ROBO2: variants seen among roughly 807,000 people sequenced by gnomAD.
ROBO2 encodes roundabout homolog 2.
In ROBO2, 53 loss-of-function variants were observed where a neutral mutation model predicts 160.8. The observed-to-expected ratio is 0.33, with a 90% confidence interval of 0.26 to 0.41. The LOEUF (loss-of-function observed/expected upper bound fraction) is 0.41, where lower values mean the gene tolerates loss of function less well. Among genes scored for constraint, ROBO2 ranks in the 10% least tolerant of loss-of-function variants. The probability of loss-of-function intolerance (pLI) is 1.00; values close to 1 mark genes in which losing one functional copy is unlikely to be tolerated. For synonymous variants in ROBO2, 664 were observed against 611.7 expected (o/e 1.09, Z -1.26); for missense variants, 1,577 against 1,722.4 (o/e 0.92, Z 1.49).
chr3:76,739,919 G>GT (rs888530465), intron 2 of ROBO2, among the ~76,000 whole-genome samples: 1 of 152,050 alleles, frequency 6.6e-6, no homozygotes, highest in Non-Finnish European at 1.5e-5. Context: ...CAGTGTTTAA[G>GT]TTTTTTTCTA....
intron 2 of ROBO2, among the ~76,000 whole-genome samples, chr3:76,086,490 G>A (rs1244130931): frequency 6.6e-6 from 1 of 152,076 alleles, no homozygotes; most frequent in African/African-American, 2.4e-5. Context: ...GGTTGTGGAT[G>A]GGGCTGAGAA....
rs1190130869 is a variant in ROBO2, at chr3:77,561,259, C to G, written c.1438-1392C>G. 2.0e-5 allele frequency among the ~76,000 whole-genome samples: 3 copies of G among 152,270 alleles called. No homozygotes were observed. In the East Asian group the frequency reaches 5.8e-4, roughly 29 times the overall value. ...TTTGAACCCAGCAGATATAATATTC[C>G]ATGAGCGACTATATTTCATCAACAA... On this transcript the variant is annotated intron_variant, in intron 9 of 25. Coordinates refer to ENST00000461745, the Ensembl canonical transcript of ROBO2.
chr3:77,112,193 C>CAA (rs373201643), intron 2 of ROBO2, among the ~76,000 whole-genome samples: 36 of 68,668 alleles, frequency 5.2e-4, no homozygotes, highest in African/African-American at 1.1e-3. Context: ...AGACTCGTCT[C>CAA]AAAAAAAAAA....
At chr3:77,329,860 T>C (rs1180258716) in intron 2 of ROBO2, among the ~76,000 whole-genome samples, 3 of 152,192 alleles carry the variant, frequency 2.0e-5, no homozygotes, top group African/African-American at 7.2e-5. Context: ...TGGTAGCTAA[T>C]ACCTATGTAT....
chr3:76,398,317 G>T (rs944769545), intron 2 of ROBO2, among the ~76,000 whole-genome samples: 1 of 133,430 alleles, frequency 7.5e-6, no homozygotes, highest in African/African-American at 3.0e-5. Flanking sequence ...ACACTCTGGG[G>T]ACTGTTGTGG....
intron 2 of ROBO2, among the ~76,000 whole-genome samples, chr3:76,026,973 A>G (rs1329356654): frequency 6.6e-6 from 1 of 151,946 alleles, no homozygotes; most frequent in African/African-American, 2.4e-5. Context: ...CTGATTACAG[A>G]GATGTCTGAG....
chr3:77,276,545 A>G (rs1376721492), intron 2 of ROBO2, among the ~76,000 whole-genome samples: 7 of 152,136 alleles, frequency 4.6e-5, no homozygotes, highest in Non-Finnish European at 1.0e-4. Flanking sequence ...GCTGTTCTGT[A>G]TGTTCCCTCT....
At chr3:77,372,615 A>T (rs940817780) in intron 2 of ROBO2, among the ~76,000 whole-genome samples, 1 of 152,172 alleles carries the variant, frequency 6.6e-6, no homozygotes, top group Admixed American at 6.5e-5. Flanking sequence ...AAGAAAGAGT[A>T]TACTATTTTT....
intron 2 of ROBO2, among the ~76,000 whole-genome samples, chr3:77,161,729 C>T (rs73842203): frequency 2.6e-5 from 4 of 151,922 alleles, no homozygotes; most frequent in Non-Finnish European, 5.9e-5. Context: ...TCTGAAAATA[C>T]GTTTTTTTTT....
chr3:76,870,842 C>T (rs903227500), intron 2 of ROBO2, among the ~76,000 whole-genome samples: 3 of 151,508 alleles, frequency 2.0e-5, no homozygotes, highest in Admixed American at 1.3e-4. Flanking sequence ...CATTGCATAC[C>T]CACGTTGAGA....
At chr3:77,078,224 C>T (rs1053366986) in intron 1 of ROBO2, among the ~76,000 whole-genome samples, 6 of 152,126 alleles carry the variant, frequency 3.9e-5, no homozygotes, top group African/African-American at 9.7e-5. Flanking sequence ...GCTACTGAGC[C>T]GTTTATAAAC....
Position 77,011,976 on chromosome 3 carries a change from A to G in ROBO2, c.110-86038A>G, listed in dbSNP as rs561471279. 4.6e-5 allele frequency among the ~76,000 whole-genome samples: 7 copies of G among 152,244 alleles called. No individual in the cohort carries two copies. The East Asian group carries it at 1.4e-3, about 29-fold the overall frequency. ...GTAGGCTTGAAATTTTTTGGAAGGT[A>G]TTATTCTCTTTCTCTAATCTAAAAA... On this transcript the variant is annotated intron_variant, in intron 2 of 26. Coordinates refer to the ROBO2 transcript ENST00000487694.
intron 2 of ROBO2, among the ~76,000 whole-genome samples, chr3:77,241,665 G>T (rs746778136): frequency 5.9e-5 from 9 of 152,114 alleles, no homozygotes; most frequent in African/African-American, 2.2e-4. Flanking sequence ...GAGAAAATTC[G>T]GGTGCAGACA....
chr3:77,254,440 C>CT (rs74266995), intron 2 of ROBO2, among the ~76,000 whole-genome samples: 30,821 of 146,046 alleles, frequency 0.21, 4,004 homozygotes, highest in East Asian at 0.72. Flanking sequence ...TAAAATACTT[C>CT]TTTTTTTTTT....
At chr3:77,558,334 G>A (rs561494421) in intron 9 of ROBO2, among the ~76,000 whole-genome samples, 185 bp downstream of exon 10, 5 of 152,092 alleles carry the variant, frequency 3.3e-5, no homozygotes, top group East Asian at 1.9e-4. Context: ...CAGTTTTTAC[G>A]TTACTCACAC....
At chr3:76,028,682 A>C (rs922638286) in intron 2 of ROBO2, among the ~76,000 whole-genome samples, 9 of 152,076 alleles carry the variant, frequency 5.9e-5, no homozygotes, top group Non-Finnish European at 1.3e-4. Context: ...TGTGAATTTC[A>C]GAATCAAGAA....
chr3:76,393,848 T>C (rs1334435669), intron 2 of ROBO2, among the ~76,000 whole-genome samples: 1 of 152,186 alleles, frequency 6.6e-6, no homozygotes, highest in Non-Finnish European at 1.5e-5. Context: ...GTCCAGGTTT[T>C]ATTTGTATAT....
chr3:76,386,868 A>G (rs962386753), intron 2 of ROBO2, among the ~76,000 whole-genome samples: 1 of 152,280 alleles, frequency 6.6e-6, no homozygotes, highest in Admixed American at 6.5e-5. Context: ...GCACTCAAGC[A>G]TGATAGGGTA....
chr3:76,983,796 T>A lies in ROBO2; in HGVS notation c.110-114218T>A, dbSNP rs199660901. Among the ~76,000 whole-genome samples the A allele has an allele frequency of 1.6e-4, 24 of 152,340 alleles. No homozygotes were observed. In the East Asian group the frequency reaches 4.4e-3, roughly 28 times the overall value. ...CATGAGGAAACTGAATTCCTACAAG[T>A]TCAAGTGGCTTGACCCAAATCAGCT... On this transcript the variant is annotated intron_variant, in intron 2 of 26. Coordinates refer to the ROBO2 transcript ENST00000487694.
Sources: gnomAD v4.1 joint callset for allele counts (sites outside exome capture counted in the v4.1 genomes callset) on GRCh38, gnomAD v4.1.1 for gene constraint, MANE v1.5 for transcripts, NCBI Gene and HGNC (gene_info 2026-07-23, HGNC 2026-07-21) for gene names.